The following ATG5 variants were observed in gnomAD, a reference collection of about 807,000 sequenced individuals.
ATG5 encodes autophagy related 5.
Under a neutral mutation model 36.5 loss-of-function variants are expected in ATG5, and 14 were observed. The observed-to-expected ratio is 0.38, with a 90% CI of 0.25 to 0.60. The LOEUF is 0.60. Ranked by LOEUF, ATG5 falls within the 20% of genes least tolerant of loss-of-function variation. ATG5 has a pLI of 0.60. For missense variants in ATG5, 195 were observed against 326.7 expected (o/e 0.60, Z 3.11); for synonymous variants, 95 against 101.5 (o/e 0.94, Z 0.38).
rs1043139489 is a variant in ATG5, at chr6:106,262,959, G to A, written c.479-14715C>T. Among the ~76,000 whole-genome samples, 71 of 152,288 alleles carry A rather than the reference G, an allele frequency of 4.7e-4. 1 individual carries two copies. Among genetic ancestry groups the A allele is most frequent in the African/African-American group, 1.6e-3 (66 of 41,556 alleles). ...CGAGCTAGCTGCAGGAGTCTTTTTCGTACTTCAGTGGCGCCTGGAACCCCA... is the reference window on the plus strand; with the variant it reads ...CGAGCTAGCTGCAGGAGTCTTTTTCATACTTCAGTGGCGCCTGGAACCCCA... On this transcript the variant is annotated intron_variant, in intron 5 of 7. Transcript: ENST00000369076.
intron 3 of ATG5, among the ~76,000 whole-genome samples, chr6:106,294,072 T>G (rs1333967126): frequency 1.3e-5 from 2 of 152,100 alleles, no homozygotes; most frequent in Admixed American, 1.3e-4. Context: ...TTCCTTTGAG[T>G]GTCACGTCAG....
intron 6 of ATG5, among the ~76,000 whole-genome samples, chr6:106,246,680 A>AT (rs1778353335): frequency 6.6e-6 from 1 of 152,204 alleles, no homozygotes; most frequent in Non-Finnish European, 1.5e-5. Flanking sequence ...CTTGACCCAA[A>AT]TAAGTGCTGA....
intron 6 of ATG5, among the ~76,000 whole-genome samples, chr6:106,238,776 T>G (rs1205596983): frequency 6.6e-6 from 1 of 152,174 alleles, no homozygotes; most frequent in East Asian, 1.9e-4. Flanking sequence ...ATAAGTATCT[T>G]TGAAATAGGG....
intron 1 of ATG5, among the ~76,000 whole-genome samples, chr6:106,319,542 G>A (rs1223111249): frequency 6.6e-6 from 1 of 152,090 alleles, no homozygotes; most frequent in Non-Finnish European, 1.5e-5. Context: ...GCCCATGCTG[G>A]TGGTACCCTT....
At position 106,213,438 on chromosome 6, in the gene ATG5, A is replaced by G. The variant is rs149407623; in HGVS notation, c.574-11349T>C. Reference sequence around the variant, plus strand: ...AAGTAAAATATGCTAATTGTGGTAGAAAGTAAAATATTACAACAGTAGAGA... The same window carrying G: ...AAGTAAAATATGCTAATTGTGGTAGGAAGTAAAATATTACAACAGTAGAGA... On this transcript the variant is annotated intron_variant, in intron 6 of 7. Transcript: ENST00000369076. Among the ~76,000 whole-genome samples, 408 of 152,350 alleles carry G rather than the reference A, an allele frequency of 2.7e-3. 2 individuals are homozygous for G. The highest frequency in any genetic ancestry group is 0.01 in the Middle Eastern group (3 of 294).
intron 5 of ATG5, among the ~76,000 whole-genome samples, chr6:106,275,216 C>T (rs1336363116): frequency 6.6e-6 from 1 of 152,194 alleles, no homozygotes; most frequent in Non-Finnish European, 1.5e-5. Flanking sequence ...AAAACATCCA[C>T]CTTTTACCCA....
Position 106,263,878 on chromosome 6 carries a change from G to GAA in ATG5, c.479-15636_479-15635dup, listed in dbSNP as rs201259155. On this transcript the variant is annotated intron_variant, in intron 5 of 7. Coordinates refer to ENST00000369076, the MANE Select transcript of ATG5 (RefSeq NM_004849.4). The stretch of plus-strand genomic sequence containing the variant: ...AAAGGTAGATAAATCCACAAAGATG[G>GAA]AAAAAAAAAAAAAAACAGCACAAAA... Among the ~76,000 whole-genome samples the GAA allele has an allele frequency of 4.2e-3, 536 of 128,674 alleles. 2 individuals are homozygous for GAA. The highest frequency in any genetic ancestry group is 6.9e-3 in the African/African-American group (240 of 34,680). 84.4% of individuals were successfully genotyped at this position (128,674 alleles called of 152,430 possible). A position where few individuals can be genotyped will look rare whatever the true frequency, so the allele number is the denominator to read the frequency against.
chr6:106,206,645 T>A, intron 6 of ATG5, among the ~76,000 whole-genome samples: 1 of 119,282 alleles, frequency 8.4e-6, no homozygotes, highest in Non-Finnish European at 1.7e-5. Context: ...AGGGAAACTG[T>A]CTCAAAAAAA....
chr6:106,248,499 T>G (rs1778438837), intron 5 of ATG5, among the ~76,000 whole-genome samples: 1 of 152,272 alleles, frequency 6.6e-6, no homozygotes, highest in South Asian at 2.1e-4. Flanking sequence ...TGTAAACATA[T>G]AAACATACGA....
chr6:106,208,007 G>A (rs1776703870), intron 6 of ATG5, among the ~76,000 whole-genome samples: 1 of 152,158 alleles, frequency 6.6e-6, no homozygotes, highest in African/African-American at 2.4e-5. Flanking sequence ...CAGGAGAATT[G>A]CTTGAACCCA....
At chr6:106,217,732 T>C (rs1777095054) in intron 6 of ATG5, 1 of 152,246 alleles carries the variant, frequency 6.6e-6, no homozygotes, top group Non-Finnish European at 1.5e-5. Context: ...TCACTATTAC[T>C]TATATGGCTT....
chr6:106,292,447 G>A (rs1411724952), intron 4 of ATG5, among the ~76,000 whole-genome samples: 1 of 152,072 alleles, frequency 6.6e-6, no homozygotes, highest in Non-Finnish European at 1.5e-5. Context: ...AAAAACTACA[G>A]GAATGAACAT....
At chr6:106,297,543 G>A (rs1371491508) in intron 3 of ATG5, among the ~76,000 whole-genome samples, 1 of 152,020 alleles carries the variant, frequency 6.6e-6, no homozygotes, top group South Asian at 2.1e-4. Context: ...AAAAATTAAT[G>A]AGCAATTAGT....
intron 1 of ATG5, among the ~76,000 whole-genome samples, chr6:106,321,305 C>A (rs1327904766): frequency 6.6e-6 from 1 of 151,426 alleles, no homozygotes; most frequent in Non-Finnish European, 1.5e-5. Context: ...GGCCCCTCTG[C>A]TTGAACACTT....
intron 5 of ATG5, among the ~76,000 whole-genome samples, chr6:106,262,800 G>A (rs1397133950): frequency 6.6e-6 from 1 of 152,202 alleles, no homozygotes; most frequent in Non-Finnish European, 1.5e-5. Context: ...ATGAGGTACT[G>A]TGCTACCCGG....
chr6:106,190,545 GT>G (rs1426824639), intron 7 of ATG5, among the ~76,000 whole-genome samples: 1 of 151,994 alleles, frequency 6.6e-6, no homozygotes, highest in African/African-American at 2.4e-5. Context: ...ATCTGCAACC[GT>G]TTTTTAGCCT....
At chr6:106,287,219 G>A (rs1310247604) in intron 4 of ATG5, among the ~76,000 whole-genome samples, 1 of 152,206 alleles carries the variant, frequency 6.6e-6, no homozygotes, top group Admixed American at 6.5e-5. Flanking sequence ...CATAACAGGA[G>A]GAGGGACATG....
chr6:106,315,596 C>T (rs1298229822), intron 2 of ATG5, among the ~76,000 whole-genome samples: 1 of 151,902 alleles, frequency 6.6e-6, no homozygotes, highest in Non-Finnish European at 1.5e-5. Flanking sequence ...TACAATAGCT[C>T]AGTGAACGTA....
chr6:106,269,778 G>A (rs138030459), intron 5 of ATG5, among the ~76,000 whole-genome samples: 11,410 of 152,244 alleles, frequency 0.075, 730 homozygotes, highest in Admixed American at 0.22. Context: ...GTTCCCGCTC[G>A]CGCCTCTCCC....
Sources: allele counts gnomAD v4.1 joint callset (sites outside exome capture counted in the v4.1 genomes callset), GRCh38; gene constraint gnomAD v4.1.1; transcripts MANE v1.5; gene names NCBI Gene and HGNC (gene_info 2026-07-23, HGNC 2026-07-21).